Variants in KREMEN1 observed in about 807,000 individuals in gnomAD.
KREMEN1 encodes kringle containing transmembrane protein 1.
KREMEN1 carries 30 observed loss-of-function variants against 46.5 expected under a neutral mutation model. The ratio of observed to expected loss-of-function variants is 0.65; its 90% CI spans 0.48 to 0.88. The LOEUF is 0.88. Ranked by LOEUF, KREMEN1 falls within the 40% of genes least tolerant of loss-of-function variation. The pLI is 0.00. For synonymous variants in KREMEN1, 214 were observed against 230.6 expected, an observed-to-expected ratio of 0.93 and a Z score of 0.65; for missense variants, 533 against 596.9, an observed-to-expected ratio of 0.89 and a Z score of 1.11.
rs764766767 is a variant in KREMEN1, at chr22:29,142,090, G to A, written c.1355G>A (p.Arg452His). The A allele has an allele frequency of 9.3e-6, 15 of 1,608,148 alleles. No homozygotes were observed. Among genetic ancestry groups the A allele is most frequent in the East Asian group, 2.2e-5 (1 of 44,448 alleles). The change falls in exon 9 of 9, where the codon CGC becomes CAC. Residue 452 changes from arginine to histidine, a missense_variant. Coordinates refer to ENST00000400335, the MANE Select transcript of KREMEN1 (RefSeq NM_001039570.3). ...KLKGQSQQDD[R>H]NPLVSD The stretch of plus-strand genomic sequence containing the variant: ...AAGGGTCAGAGTCAACAAGATGACC[G>A]CAATCCCCTTGTGAGTGACTAAAAA...
chr22:29,117,969 T>A (rs2038271041), intron 3 of KREMEN1, among the ~76,000 whole-genome samples: 1 of 152,156 alleles, frequency 6.6e-6, no homozygotes, highest in African/African-American at 2.4e-5. Context: ...AAATGTGGGG[T>A]ATGACTTCGC....
chr22:29,139,940 C>T (rs1016016555), intron 7 of KREMEN1, among the ~76,000 whole-genome samples: 1 of 152,168 alleles, frequency 6.6e-6, no homozygotes, highest in Non-Finnish European at 1.5e-5. Context: ...GAAACTGAGG[C>T]CCAAAGAGTT....
intron 3 of KREMEN1, among the ~76,000 whole-genome samples, chr22:29,118,884 C>T (rs937353060): frequency 1.3e-5 from 2 of 152,186 alleles, no homozygotes; most frequent in African/African-American, 4.8e-5. Flanking sequence ...AGTTATGGCA[C>T]TACCTAACTC....
In KREMEN1 at chr22:29,133,108, C is replaced by G. The variant is rs570279637; in HGVS notation, c.632-4234C>G. Among the ~76,000 whole-genome samples, 185 of 151,968 alleles carry G rather than the reference C, an allele frequency of 1.2e-3. 1 individual carries two copies. Among genetic ancestry groups the G allele is most frequent in the African/African-American group, 4.1e-3 (168 of 41,464 alleles). On this transcript the variant is annotated intron_variant, in intron 5 of 8. Transcript: ENST00000400335. ...CTAAAAATACAAAAAATTAGCCAGG[C>G]GAGGTGGCGCATGCCTGTAGTCCCA...
chr22:29,099,261 G>T (rs1320298302), intron 3 of KREMEN1: 2 of 263,596 alleles, frequency 7.6e-6, no homozygotes, highest in African/African-American at 2.2e-5. Flanking sequence ...AAGCAGCCTA[G>T]GGGAGAAAAA....
intron 5 of KREMEN1, among the ~76,000 whole-genome samples, chr22:29,130,766 G>A (rs1466772839): frequency 6.6e-6 from 1 of 152,172 alleles, no homozygotes; most frequent in Admixed American, 6.5e-5. Context: ...AATCACAGAA[G>A]GCAGGAGGAC....
intron 1 of KREMEN1, among the ~76,000 whole-genome samples, chr22:29,081,085 C>T (rs1001345131): frequency 1.3e-5 from 2 of 151,770 alleles, no homozygotes; most frequent in African/African-American, 4.8e-5. Context: ...GTGTGCTGCA[C>T]CCATTAACTT....
chr22:29,145,167 C>T lies in KREMEN1; in HGVS notation c.*3055C>T, dbSNP rs1179944746. 1.0e-6 allele frequency: 1 copy of T among 985,850 alleles called. No homozygotes were observed. Among genetic ancestry groups the T allele is most frequent in the Non-Finnish European group, 1.2e-6 (1 of 830,206 alleles). The allele number at this position is 985,850 out of a possible 1,614,324, so 61.1% of individuals were successfully genotyped here. Reference sequence around the variant, plus strand: ...GCTAGGTAAACACCTGAGAAAGAAACTGCTCCAGAAGAGATGACGTGGGCT... The same window carrying T: ...GCTAGGTAAACACCTGAGAAAGAAATTGCTCCAGAAGAGATGACGTGGGCT... On this transcript the variant is annotated 3_prime_UTR_variant, in exon 9 of 9. Transcript: ENST00000400335.
At chr22:29,163,530 C>A (rs945715251) in intron 9 of KREMEN1, among the ~76,000 whole-genome samples, 1 of 152,072 alleles carries the variant, frequency 6.6e-6, no homozygotes, top group African/African-American at 2.4e-5. Context: ...GGGGCCACCA[C>A]CACGCCCAGC....
intron 5 of KREMEN1, among the ~76,000 whole-genome samples, chr22:29,131,600 GTA>G (rs1569331264): frequency 8.0e-6 from 1 of 124,296 alleles, no homozygotes; most frequent in Non-Finnish European, 1.6e-5. Flanking sequence ...GTGTGTATAT[GTA>G]TATATGTGTG....
chr22:29,121,105 T>A (rs2145813578), intron 3 of KREMEN1, among the ~76,000 whole-genome samples: 1 of 152,082 alleles, frequency 6.6e-6, no homozygotes, highest in African/African-American at 2.4e-5. Context: ...ACAGTTTTTT[T>A]TTTTTTTAAA....
chr22:29,158,161 C>G (rs575393776), intron 9 of KREMEN1, among the ~76,000 whole-genome samples: 1 of 152,312 alleles, frequency 6.6e-6, no homozygotes, highest in East Asian at 1.9e-4. Context: ...AGTGGGCTGG[C>G]CCAGTGTGAG....
intron 5 of KREMEN1, among the ~76,000 whole-genome samples, chr22:29,131,147 C>T (rs2038527335): frequency 6.6e-6 from 1 of 152,106 alleles, no homozygotes; most frequent in Non-Finnish European, 1.5e-5. Context: ...ATAAGCATTG[C>T]TCCTGCTAAT....
At chr22:29,099,046 CTGGTGGATTTCA>C in intron 3 of KREMEN1, 93 bp downstream of exon 3, 2 of 905,816 alleles carry the variant, frequency 2.2e-6, no homozygotes, top group Admixed American at 3.8e-5. Flanking sequence ...GGTAGTTAGG[CTGGTGGATTTCA>C]TGGAGCATGT....
At position 29,100,173 on chromosome 22, in the gene KREMEN1, C is replaced by T. The variant is rs116823880; in HGVS notation, c.352+1220C>T. ...GTGGTGCCATCTCAACTCACTGCAA[C>T]GGCGCCATCTCGGCTCACTGCAACC... is the stretch of plus-strand genomic sequence containing the variant. On this transcript the variant is annotated intron_variant, in intron 3 of 8. Transcript: ENST00000400335. 9.9e-3 allele frequency among the ~76,000 whole-genome samples: 1,490 copies of T among 150,888 alleles called. 21 individuals carry two copies. Among genetic ancestry groups the T allele is most frequent in the African/African-American group, 0.035 (1,417 of 40,972 alleles).
intron 2 of KREMEN1, among the ~76,000 whole-genome samples, chr22:29,097,110 A>G (rs2037894141): frequency 6.6e-6 from 1 of 152,248 alleles, no homozygotes; most frequent in African/African-American, 2.4e-5. Flanking sequence ...TCTACGCCAC[A>G]TGACAGGCTT....
At chr22:29,075,598 T>G (rs2037555333) in intron 1 of KREMEN1, among the ~76,000 whole-genome samples, 1 of 152,156 alleles carries the variant, frequency 6.6e-6, no homozygotes. Flanking sequence ...TGACTTTTCC[T>G]GTCTAGTTGC....
In KREMEN1 at chr22:29,143,604, T is replaced by C; in HGVS notation, c.*1492T>C. 1 of 631,376 alleles carries C rather than the reference T, an allele frequency of 1.6e-6. No homozygotes were observed. 39.1% of individuals were successfully genotyped at this position (631,376 alleles called of 1,614,324 possible). ...AAAAATACAAAAAATTAGCTGGGTG[T>C]GGTGGTGGGCGCCTGTAGTCCCAGC... On this transcript the variant is annotated 3_prime_UTR_variant, in exon 9 of 9. Transcript: ENST00000400335.
At position 29,142,876 on chromosome 22, in the gene KREMEN1, G is replaced by A. The variant is rs181328019; in HGVS notation, c.*764G>A. 2.4e-5 allele frequency: 24 copies of A among 985,156 alleles called. No individual in the cohort carries two copies. Among genetic ancestry groups the A allele is most frequent in the Admixed American group, 6.1e-5 (1 of 16,280 alleles). The allele number at this position is 985,156 out of a possible 1,614,324, so 61.0% of individuals were successfully genotyped here. A position where few individuals can be genotyped will look rare whatever the true frequency, so the allele number is the denominator to read the frequency against. On this transcript the variant is annotated 3_prime_UTR_variant, in exon 9 of 9. Transcript: ENST00000400335. ...ATATAAAACATCCATTCAGCTGGGC[G>A]CGATGGCTCATGCCTGTAATCCCAG...
Sources: gnomAD v4.1 joint callset for allele counts (sites outside exome capture counted in the v4.1 genomes callset) on GRCh38, gnomAD v4.1.1 for gene constraint, MANE v1.5 for transcripts, NCBI Gene and HGNC (gene_info 2026-07-23, HGNC 2026-07-21) for gene names.